The following ZNF550 variants were observed in gnomAD, a reference collection of about 807,000 sequenced individuals.
The protein encoded by ZNF550 is zinc finger protein 550.
ZNF550 carries 42 observed loss-of-function variants against 40.2 expected under a neutral mutation model. That is an observed-to-expected ratio of 1.05 (90% CI 0.82 to 1.35). The LOEUF (loss-of-function observed/expected upper bound fraction) is 1.35, where lower values mean the gene tolerates loss of function less well. Among genes scored for constraint, ZNF550 ranks in the 40% most tolerant of loss-of-function variants. The pLI is 0.00. For missense variants in ZNF550, 549 were observed against 525.2 expected (o/e 1.05, Z -0.44); for synonymous variants, 223 against 198.6 (o/e 1.12, Z -1.03).
Position 57,547,772 on chromosome 19 carries a change from C to A in ZNF550, c.472G>T (p.Glu158Ter). 1 of 1,614,132 alleles carries A rather than the reference C, an allele frequency of 6.2e-7. No individual in the cohort carries two copies. The highest frequency in any genetic ancestry group is 1.7e-5 in the Admixed American group (1 of 60,004). Residue 158 changes from glutamate to a stop codon, truncating the protein, a stop_gained, in exon 4 of 5, where the codon GAA becomes TAA. Coordinates refer to ENST00000457177, the Ensembl canonical transcript of ZNF550. LOFTEE classifies it high-confidence loss of function. Reference sequence around the variant, plus strand: ...TCATCTGTCCCCAAACCTTCACCTTCAAGGCTCACTTTCCCAAGATGGGTC... The same window carrying A: ...TCATCTGTCCCCAAACCTTCACCTTAAAGGCTCACTTTCCCAAGATGGGTC...
chr19:57,552,923 C>T (rs2090086230), intron 2 of ZNF550: 1 of 550,176 alleles, frequency 1.8e-6, no homozygotes, highest in Admixed American at 3.1e-5. Context: ...TGTTGATGCC[C>T]TAACACCCAA....
At chr19:57,559,608 G>C in intron 1 of ZNF550, 48 bp downstream of exon 1, 2 of 1,451,054 alleles carry the variant, frequency 1.4e-6, no homozygotes, top group Non-Finnish European at 1.8e-6. Context: ...CGTCGGGCCC[G>C]GGACACTGAG....
rs537923504 is a variant in ZNF550 at position 57,551,392 on chromosome 19, T to C, written c.250+1235A>G. 2.6e-5 allele frequency among the ~76,000 whole-genome samples: 4 copies of C among 152,114 alleles called. No individual in the cohort carries two copies. The South Asian group carries it at 6.2e-4, about 24-fold the overall frequency. ...GGAGACCTGTCAGGAGCCTCTGGTA[T>C]GGCCCAGGCAGAAGATTATGAGAGC... On this transcript the variant is annotated intron_variant, in intron 3 of 4. Coordinates refer to ENST00000457177, the Ensembl canonical transcript of ZNF550.
chr19:57,555,015 A>G (rs1198209811), intron 2 of ZNF550: 1 of 152,228 alleles, frequency 6.6e-6, no homozygotes, highest in East Asian at 1.9e-4. Context: ...TTCAGTTGTC[A>G]TCTATGGATT....
intron 2 of ZNF550, chr19:57,553,607 T>C (rs2090093649): frequency 6.6e-6 from 1 of 152,128 alleles, no homozygotes. Flanking sequence ...TAATAGAGAC[T>C]GGGATTCACA....
chr19:57,549,125 T>C (rs1459581914), intron 3 of ZNF550, among the ~76,000 whole-genome samples: 1 of 152,158 alleles, frequency 6.6e-6, no homozygotes, highest in Non-Finnish European at 1.5e-5. Flanking sequence ...GTGGCTATAG[T>C]CAAAAATAAT....
exon 5 of ZNF550, chr19:57,542,097 C>A (rs2089964953): frequency 6.6e-6 from 1 of 151,554 alleles, no homozygotes; most frequent in Non-Finnish European, 1.5e-5. Flanking sequence ...AGAGGAAAAA[C>A]AAAAGGCAAT....
chr19:57,542,041 A>G (rs1432423120), exon 5 of ZNF550: 2 of 152,152 alleles, frequency 1.3e-5, no homozygotes, highest in Non-Finnish European at 2.9e-5. Context: ...TAAAAAGTCA[A>G]GATACAAATA....
At position 57,559,660 on chromosome 19, in the gene ZNF550, G is replaced by A. The variant is rs748679199; in HGVS notation, c.23C>T (p.Ala8Val). ...GAGCCGAGCCAGTCTGCTCACCTGC[G>A]CTGCGTCCTTCGTCTCCGCCATCCG... The change falls in exon 1 of 5, where the codon GCG (alanine) becomes GTG (valine). Residue 8 changes from alanine (A) to valine (V), a missense_variant. Physicochemically the swap from Ala to Val is moderately conservative, Grantham distance 64. Coordinates refer to ENST00000457177, the Ensembl canonical transcript of ZNF550. 141 of 1,507,146 alleles carry A rather than the reference G, an allele frequency of 9.4e-5. No individual in the cohort carries two copies. In the South Asian group the frequency reaches 1.0e-3, roughly 11 times the overall value. 93.4% of individuals were successfully genotyped at this position (1,507,146 alleles called of 1,614,324 possible). A position where few individuals can be genotyped will look rare whatever the true frequency, so the allele number is the denominator to read the frequency against.
At chr19:57,545,877 G>T (rs1019497902) in intron 4 of ZNF550, among the ~76,000 whole-genome samples, 1 of 152,164 alleles carries the variant, frequency 6.6e-6, no homozygotes, top group Non-Finnish European at 1.5e-5. Flanking sequence ...GCCAGGCGTA[G>T]TGGTGTATGC....
chr19:57,552,375 C>T (rs183464209), intron 3 of ZNF550: 9 of 478,432 alleles, frequency 1.9e-5, no homozygotes, highest in East Asian at 1.6e-4. Context: ...TCTTGTTCCC[C>T]TTCTACCAGC....
chr19:57,546,934 G>A, exon 4 of ZNF550: 1 of 1,560,298 alleles, frequency 6.4e-7, no homozygotes, highest in Non-Finnish European at 8.7e-7. Context: ...AATAACAGTG[G>A]GTAAAGGCCT....
chr19:57,543,674 G>A (rs1386484915), intron 4 of ZNF550: 13 of 979,850 alleles, frequency 1.3e-5, no homozygotes, highest in Non-Finnish European at 1.6e-5. Flanking sequence ...GGTGGCTCAC[G>A]CCTGTAATCG....
rs1477926169 is a variant in ZNF550 at position 57,554,977 on chromosome 19, T to TC, written c.154+1253dup. On this transcript the variant is annotated intron_variant, in intron 2 of 4. Coordinates refer to ENST00000457177, the Ensembl canonical transcript of ZNF550. This position sits in a 1 kb window ranked among gnomAD's most constrained non-coding sequence, Gnocchi z 4.5. ...ACATCCTGCTTATTTATTCCTAAAT[T>TC]CCCCTCATTTTTCTTTCTAGAACTT... 6.6e-6 allele frequency: 1 copy of TC among 152,234 alleles called. No individual in the cohort carries two copies. The highest frequency in any genetic ancestry group is 1.5e-5 in the Non-Finnish European group (1 of 68,032). The allele number at this position is 152,234 out of a possible 1,614,324, so 9.4% of individuals were successfully genotyped here. A position where few individuals can be genotyped will look rare whatever the true frequency, so the allele number is the denominator to read the frequency against.
chr19:57,560,861 C>T (rs2090161544), upstream of ZNF550, among the ~76,000 whole-genome samples: 1 of 152,142 alleles, frequency 6.6e-6, no homozygotes, highest in African/African-American at 2.4e-5. Flanking sequence ...CTCATCAGCC[C>T]AGTCTTCTTG....
At chr19:57,548,197 C>T (rs949738077) in intron 3 of ZNF550, among the ~76,000 whole-genome samples, 7 of 152,166 alleles carry the variant, frequency 4.6e-5, no homozygotes, top group African/African-American at 9.7e-5. Context: ...GGAGGGCAGG[C>T]TGGACCGGGG....
At chr19:57,547,579 T>C (rs1309167333) in exon 4 of ZNF550, 10 of 1,614,096 alleles carry the variant, frequency 6.2e-6, no homozygotes, top group Admixed American at 5.0e-5. Flanking sequence ...GTGAACCCTC[T>C]GATGTCGAAC....
intron 1 of ZNF550, among the ~76,000 whole-genome samples, 186 bp downstream of exon 1, chr19:57,559,470 C>T (rs1055364292): frequency 2.0e-5 from 3 of 152,176 alleles, no homozygotes; most frequent in Non-Finnish European, 2.9e-5. Flanking sequence ...ACCCCAGAAA[C>T]GGGGACGCTC....
chr19:57,547,132 T>C (rs1007058681), exon 4 of ZNF550: 5 of 1,610,782 alleles, frequency 3.1e-6, no homozygotes, highest in South Asian at 2.2e-5. Flanking sequence ...GGTGCATTCA[T>C]AGGGCTTCTC....
Sources: gnomAD v4.1 joint callset for allele counts (sites outside exome capture counted in the v4.1 genomes callset) on GRCh38, gnomAD v4.1.1 for gene constraint, Gnocchi (gnomAD v3.1) non-coding constraint, MANE v1.5 for transcripts, NCBI Gene and HGNC (gene_info 2026-07-23, HGNC 2026-07-21) for gene names.